The following SLC27A5 variants were observed in gnomAD, a reference collection of about 807,000 sequenced individuals.
SLC27A5 encodes long-chain fatty acid transport protein 5.
In SLC27A5, 47 loss-of-function variants were observed where a neutral mutation model predicts 63.1. That is an observed-to-expected ratio of 0.74 (90% CI 0.59 to 0.95). The LOEUF (loss-of-function observed/expected upper bound fraction) is 0.95, where lower values mean the gene tolerates loss of function less well. Among genes scored for constraint, SLC27A5 ranks in the 40% least tolerant of loss-of-function variants. The probability of loss-of-function intolerance (pLI) is 0.00; values close to 1 mark genes in which losing one functional copy is unlikely to be tolerated. For missense variants in SLC27A5, 940 were observed against 921.0 expected, an observed-to-expected ratio of 1.02 and a Z score of -0.27; for synonymous variants, 391 against 403.8, an observed-to-expected ratio of 0.97 and a Z score of 0.38.
rs1568635733 is a variant in SLC27A5, at chr19:58,511,975, G to GAGC, written c.-23_-21dup. ...ACCCATGGTACCAGCTCCTCCCTAGGAGCAGCAGCTGTGGAGTGTTCAGGC... is the reference window on the plus strand; with the variant it reads ...ACCCATGGTACCAGCTCCTCCCTAGGAGCAGCAGCAGCTGTGGAGTGTTCAGGC... On this transcript the variant is annotated 5_prime_UTR_variant, in exon 1 of 10. Transcript: ENST00000263093. 1.3e-6 allele frequency: 2 copies of GAGC among 1,520,782 alleles called. No individual in the cohort carries two copies. Among genetic ancestry groups the GAGC allele is most frequent in the Admixed American group, 4.0e-5 (2 of 50,302 alleles). 94.2% of individuals were successfully genotyped at this position (1,520,782 alleles called of 1,614,324 possible).
intron 4 of SLC27A5, 32 bp downstream of exon 4, chr19:58,501,254 T>C: frequency 6.2e-7 from 1 of 1,604,400 alleles, no homozygotes; most frequent in Non-Finnish European, 8.5e-7. Context: ...TACTTGGGTG[T>C]TCACCATGGA....
Position 58,509,932 on chromosome 19 carries a change from G to A in SLC27A5, c.972C>T (p.Ala324=), listed in dbSNP as rs1555794626. ...CCGTGTAAACCACATCATCAGCTGT[G>A]GCCCCAGATAAGGACAGCATCTTGC... The part of the protein sequence containing the change: ...QMSKMLSLSG[A]TADDVVYTVL... Residue 324 remains alanine (A), a synonymous_variant, in exon 3 of 10, where the codon GCC becomes GCT. Transcript: ENST00000263093. 6.2e-7 allele frequency: 1 copy of A among 1,614,106 alleles called. No individual in the cohort carries two copies. The highest frequency in any genetic ancestry group is 8.5e-7 in the Non-Finnish European group (1 of 1,180,022).
intron 2 of SLC27A5, 58 bp from the exon 3 acceptor site, chr19:58,510,063 T>C (rs1161228954): frequency 3.2e-6 from 5 of 1,546,644 alleles, no homozygotes; most frequent in South Asian, 1.2e-5. Context: ...GAGAGGGGCC[T>C]GACCAGAGGG....
intron 3 of SLC27A5, 90 bp from the exon 4 acceptor site, chr19:58,501,500 A>C: frequency 1.4e-6 from 2 of 1,393,164 alleles, no homozygotes; most frequent in Non-Finnish European, 2.0e-6. Flanking sequence ...CCACCCCCAC[A>C]CCCTGAAATA....
At chr19:58,500,827 G>C (rs759319511) in intron 4 of SLC27A5, 121 bp from the exon 5 acceptor site, 29 of 1,480,950 alleles carry the variant, frequency 2.0e-5, no homozygotes, top group Non-Finnish European at 2.6e-5. Context: ...AGGTGATGGG[G>C]GACCTCTACC....
At position 58,499,110 on chromosome 19, in the gene SLC27A5, G is replaced by GAAC; in HGVS notation, c.1765+10_1765+12dup. The GAAC allele has an allele frequency of 6.2e-7, 1 of 1,613,716 alleles. No individual in the cohort carries two copies. On this transcript the variant is annotated intron_variant, in intron 8 of 9. Coordinates refer to ENST00000263093, the MANE Select transcript of SLC27A5 (RefSeq NM_012254.3). ...CAAAGCTGTTGGAAGTTTAAAATGAGAACCCTCCGCACCTGGCACGCACAC... is the reference window on the plus strand; with the variant it reads ...CAAAGCTGTTGGAAGTTTAAAATGAGAACAACCCTCCGCACCTGGCACGCACAC...
In SLC27A5 at chr19:58,507,681, A is replaced by G. The variant is rs1354208163; in HGVS notation, c.1057+2166T>C. ...CAGAGAGCCTATAAGTGGACGTGCAAGTAGGAGAGATATTGCTAAATTATT... is the reference window on the plus strand; with the variant it reads ...CAGAGAGCCTATAAGTGGACGTGCAGGTAGGAGAGATATTGCTAAATTATT... On this transcript the variant is annotated intron_variant, in intron 3 of 9. Transcript: ENST00000263093. The G allele has an allele frequency of 2.6e-5, 4 of 152,302 alleles. No homozygotes were observed. The East Asian group carries it at 7.7e-4, about 29-fold the overall frequency. 9.4% of individuals were successfully genotyped at this position (152,302 alleles called of 1,614,324 possible).
chr19:58,503,013 T>C (rs574981666), intron 3 of SLC27A5, among the ~76,000 whole-genome samples: 210 of 152,042 alleles, frequency 1.4e-3, no homozygotes, highest in Middle Eastern at 3.4e-3. Context: ...AAGACCATCC[T>C]GGCTAACACG....
At position 58,499,510 on chromosome 19, in the gene SLC27A5, C is replaced by T. The variant is rs775976261; in HGVS notation, c.1649G>A (p.Arg550His). ...DREGFLYFRD[R>H]LGDTFRWKGE... Reference sequence around the variant, plus strand: ...CTCGGACCGGAAGGTGTCCCCGAGGCGGTCGCGGAAGTAGAGGAAGCCTTC... The same window carrying T: ...CTCGGACCGGAAGGTGTCCCCGAGGTGGTCGCGGAAGTAGAGGAAGCCTTC... The change falls in exon 7 of 10, where the codon CGC becomes CAC. Residue 550 changes from arginine (R) to histidine (H), a missense_variant. Coordinates refer to ENST00000263093, the MANE Select transcript of SLC27A5 (RefSeq NM_012254.3). 1.9e-6 allele frequency: 3 copies of T among 1,613,074 alleles called. No homozygotes were observed. In the South Asian group the frequency reaches 3.3e-5, roughly 18 times the overall value.
At position 58,510,853 on chromosome 19, in the gene SLC27A5, A is replaced by G; in HGVS notation, c.766T>C (p.Ser256Pro). 6.2e-7 allele frequency: 1 copy of G among 1,612,918 alleles called. No homozygotes were observed. The highest frequency in any genetic ancestry group is 1.1e-5 in the South Asian group (1 of 90,808). Residue 256 changes from serine to proline, a missense_variant, in exon 2 of 10, where the codon TCC (serine) becomes CCC (proline). By Grantham distance (74) the Ser-to-Pro change is moderately conservative. Transcript: ENST00000263093. Reference protein sequence around the residue: ...NIRCFYLSHTSPTPGVGALGA... With the variant: ...NIRCFYLSHTPPTPGVGALGA... ...AGAGCCCCCACCCCTGGTGTAGGGG[A>G]GGTATGGCTGAGGTAGAAGCAGCGG...
In SLC27A5 at chr19:58,501,356, C is replaced by G; in HGVS notation, c.1112G>C (p.Cys371Ser). Residue 371 changes from cysteine to serine, a missense_variant, in exon 4 of 10, where the codon TGT becomes TCT. Physicochemically the swap from Cys to Ser is moderately radical, Grantham distance 112 (BLOSUM62 -1). Coordinates refer to ENST00000263093, the MANE Select transcript of SLC27A5 (RefSeq NM_012254.3). ...GATCACTGTCACGCCATGCTGCCGA[C>G]AGTCATCCCAGAAGCAGGAAGTAGA... ...KFSTSCFWDD[C>S]RQHGVTVILY... The G allele has an allele frequency of 6.2e-7, 1 of 1,613,824 alleles. No individual in the cohort carries two copies. The highest frequency in any genetic ancestry group is 1.7e-5 in the Admixed American group (1 of 59,984).
rs552597468 is a variant in SLC27A5 at position 58,498,539 on chromosome 19, C to T, written c.2049G>A (p.Val683=). The T allele has an allele frequency of 3.7e-5, 59 of 1,613,264 alleles. No homozygotes were observed. The highest frequency in any genetic ancestry group is 8.9e-5 in the East Asian group (4 of 44,858). Residue 683 remains valine (V), a synonymous_variant, in exon 10 of 10, where the codon GTG becomes GTA. Transcript: ENST00000263093. The part of the protein sequence containing the change: ...RPLTAEMYQA[V]CEGTWRL ...ATCAGAGCCTCCAGGTTCCCTCACACACAGCCTGGTACATTTCTGCCGTCA... is the reference window on the plus strand; with the variant it reads ...ATCAGAGCCTCCAGGTTCCCTCACATACAGCCTGGTACATTTCTGCCGTCA...
intron 1 of SLC27A5, 101 bp downstream of exon 1, chr19:58,511,167 G>C (rs1013467611): frequency 3.2e-6 from 4 of 1,246,752 alleles, no homozygotes; most frequent in Non-Finnish European, 4.4e-6. Context: ...GTGAAAGTAG[G>C]CAGGTGGGGA....
At chr19:58,498,737 C>T in intron 9 of SLC27A5, 46 bp from the exon 10 acceptor site, 4 of 1,610,372 alleles carry the variant, frequency 2.5e-6, no homozygotes, top group South Asian at 1.1e-5. Context: ...ATCCACCCGC[C>T]CCCTGGCTAT....
At position 58,498,687 on chromosome 19, in the gene SLC27A5, G is replaced by T; in HGVS notation, c.1901C>A (p.Ala634Asp). 6.2e-7 allele frequency: 1 copy of T among 1,613,746 alleles called. No individual in the cohort carries two copies. The highest frequency in any genetic ancestry group is 8.5e-7 in the Non-Finnish European group (1 of 1,179,788). Residue 634 changes from alanine (A) to aspartate (D), a missense_variant, in exon 10 of 10, where the codon GCC (alanine) becomes GAC (aspartate). Physicochemically the swap from Ala to Asp is moderately radical, Grantham distance 126. Coordinates refer to ENST00000263093, the MANE Select transcript of SLC27A5 (RefSeq NM_012254.3). Reference sequence around the variant, plus strand: ...TTTGAACGTGCTGGTGACCTCCATGGCGTCCTGCAGGGCAGTGACCATGGT... The same window carrying T: ...TTTGAACGTGCTGGTGACCTCCATGTCGTCCTGCAGGGCAGTGACCATGGT... ...ATPHFIRIQD[A>D]MEVTSTFKLM... is the part of the protein sequence containing the mutation.
chr19:58,510,931 C>G lies in SLC27A5; in HGVS notation c.689-1G>C, dbSNP rs960034588. ...ATCTCCTCCAGGCTCTCCCGGAGGT[C>G]TGCAGAGATGGGTCAGAGGAGAAAC... is the stretch of plus-strand genomic sequence containing the variant. On this transcript the variant is annotated splice_acceptor_variant, in intron 1 of 9. Transcript: ENST00000263093. LOFTEE classifies it high-confidence loss of function. The G allele has an allele frequency of 6.3e-7, 1 of 1,593,182 alleles. No individual in the cohort carries two copies. Among genetic ancestry groups the G allele is most frequent in the Admixed American group, 1.7e-5 (1 of 58,164 alleles).
intron 3 of SLC27A5, among the ~76,000 whole-genome samples, chr19:58,507,096 T>C (rs1351709712): frequency 6.7e-6 from 1 of 149,850 alleles, no homozygotes; most frequent in Non-Finnish European, 1.5e-5. Flanking sequence ...CGGTGGCTCA[T>C]GCCTGTAATC....
rs754044176 is a variant in SLC27A5, at chr19:58,500,619, C to G, written c.1270G>C (p.Gly424Arg). The change falls in exon 5 of 10, where the codon GGT becomes CGT. Residue 424 changes from glycine to arginine, a missense_variant. Gly to Arg is a moderately radical substitution (Grantham distance 125, BLOSUM62 -2). Transcript: ENST00000263093. ...TAGACTTCCCAGATCCGAATAGGAC[C>G]GAAGCGCTGCTGGAAGGTCTCCCAC... ...DVWETFQQRF[G>R]PIRIWEVYGS... 1.2e-6 allele frequency: 2 copies of G among 1,614,130 alleles called. No individual in the cohort carries two copies. The highest frequency in any genetic ancestry group is 2.2e-5 in the East Asian group (1 of 44,880).
At chr19:58,500,285 A>C in intron 6 of SLC27A5, 54 bp downstream of exon 6, 2 of 1,451,086 alleles carry the variant, frequency 1.4e-6, no homozygotes, top group Non-Finnish European at 1.9e-6. Flanking sequence ...AGCCAAGCAG[A>C]AGACTGAGGG....
Sources: allele counts gnomAD v4.1 joint callset (sites outside exome capture counted in the v4.1 genomes callset), GRCh38; gene constraint gnomAD v4.1.1; transcripts MANE v1.5; gene names NCBI Gene and HGNC (gene_info 2026-07-23, HGNC 2026-07-21).